HNRNPL: variants seen among roughly 807,000 people sequenced by gnomAD.
The protein encoded by HNRNPL is epididymis secretory sperm binding protein.
In HNRNPL, 12 loss-of-function variants were observed where a neutral mutation model predicts 64.0. The ratio of observed to expected loss-of-function variants is 0.19; its 90% CI spans 0.12 to 0.30. The LOEUF is 0.30. HNRNPL is among the 10% of genes least tolerant of loss of function. HNRNPL has a pLI of 1.00. For missense variants in HNRNPL, 484 were observed against 797.4 expected, an observed-to-expected ratio of 0.61 and a Z score of 4.73; for synonymous variants, 385 against 313.0, an observed-to-expected ratio of 1.23 and a Z score of -2.43.
Position 38,836,518 on chromosome 19 carries a change from A to C in HNRNPL, c.*204T>G, listed in dbSNP as rs1464110560. The C allele has an allele frequency of 4.6e-6, 2 of 436,022 alleles. No homozygotes were observed. Among genetic ancestry groups the C allele is most frequent in the South Asian group, 9.6e-5 (2 of 20,886 alleles). The allele number at this position is 436,022 out of a possible 1,614,324, so 27.0% of individuals were successfully genotyped here. ...TAAAAGTGAAGGTTAATCTTGGGAGATAACAGTTCCCCTCTCCCTCCCCCT... is the reference window on the plus strand; with the variant it reads ...TAAAAGTGAAGGTTAATCTTGGGAGCTAACAGTTCCCCTCTCCCTCCCCCT... On this transcript the variant is annotated 3_prime_UTR_variant, in exon 13 of 13. Coordinates refer to ENST00000221419, the MANE Select transcript of HNRNPL (RefSeq NM_001533.3).
chr19:38,837,770 G>C, intron 10 of HNRNPL, 119 bp from the exon 11 acceptor site: 1 of 804,798 alleles, frequency 1.2e-6, no homozygotes, highest in East Asian at 2.7e-5. Context: ...AAGGCTTGTA[G>C]ATTTTATCAC....
At chr19:38,845,378 T>C in intron 4 of HNRNPL, 1 of 413,788 alleles carries the variant, frequency 2.4e-6, no homozygotes, top group South Asian at 2.8e-5. Context: ...TCTCAATAAA[T>C]AAATAAGTAA....
At position 38,849,722 on chromosome 19, in the gene HNRNPL, G is replaced by A; in HGVS notation, c.245C>T (p.Ala82Val). 3 of 1,368,608 alleles carry A rather than the reference G, an allele frequency of 2.2e-6. No homozygotes were observed. Among genetic ancestry groups the A allele is most frequent in the African/African-American group, 1.5e-5 (1 of 65,100 alleles). The allele number at this position is 1,368,608 out of a possible 1,614,324, so 84.8% of individuals were successfully genotyped here. A position where few individuals can be genotyped will look rare whatever the true frequency, so the allele number is the denominator to read the frequency against. ...CACCCCACCGCCGCCGCCGCCCGCC[G>A]CCCCGGCTCCTCCACCGCCACCGCC... ...GGGGGGGGAG[A>V]AGGGGGGENY... The change falls in exon 1 of 13, where the codon GCG becomes GTG. Residue 82 changes from alanine to valine, a missense_variant. Transcript: ENST00000221419.
intron 1 of HNRNPL, among the ~76,000 whole-genome samples, chr19:38,849,112 G>A (rs956591720): frequency 6.6e-5 from 10 of 152,212 alleles, no homozygotes. Context: ...TCAAGGCTTC[G>A]CTCAACTCCT....
In HNRNPL at chr19:38,841,703, G is replaced by A. The variant is rs998903654; in HGVS notation, c.881-1144C>T. ...CGACCCTGCATCACATGGTTTTACAGTCATAAATACAAGTCACGGTACACA... is the reference window on the plus strand; with the variant it reads ...CGACCCTGCATCACATGGTTTTACAATCATAAATACAAGTCACGGTACACA... On this transcript the variant is annotated intron_variant, in intron 6 of 12. Transcript: ENST00000221419. The A allele has an allele frequency of 7.6e-6, 9 of 1,185,970 alleles. No individual in the cohort carries two copies. The South Asian group carries it at 7.6e-5, about 10-fold the overall frequency. The allele number at this position is 1,185,970 out of a possible 1,614,324, so 73.5% of individuals were successfully genotyped here.
At chr19:38,847,531 T>A in intron 1 of HNRNPL, 97 bp from the exon 2 acceptor site, 1 of 622,792 alleles carries the variant, frequency 1.6e-6, no homozygotes, top group East Asian at 3.1e-5. Flanking sequence ...GATAAAACAG[T>A]TGGAGGTCAT....
intron 6 of HNRNPL, chr19:38,841,800 G>A: frequency 2.2e-6 from 1 of 450,124 alleles, no homozygotes; most frequent in Non-Finnish European, 4.3e-6. Flanking sequence ...GCTCACAGAT[G>A]TTCTGTCCTC....
rs951480180 is a variant in HNRNPL at position 38,838,388 on chromosome 19, G to A, written c.1557+9C>T. On this transcript the variant is annotated intron_variant, in intron 10 of 12. Coordinates refer to ENST00000221419, the MANE Select transcript of HNRNPL (RefSeq NM_001533.3). ...GACCCGACTGCCTGCGCAGCTCCAC[G>A]GCACACACCTCAAAGAAGTTCTCCT... The A allele has an allele frequency of 2.2e-5, 35 of 1,601,934 alleles. No individual in the cohort carries two copies. Among genetic ancestry groups the A allele is most frequent in the African/African-American group, 2.7e-5 (2 of 74,700 alleles).
intron 12 of HNRNPL, chr19:38,837,142 C>T (rs1477421510): frequency 3.5e-6 from 2 of 575,630 alleles, no homozygotes; most frequent in East Asian, 5.8e-5. Context: ...AATGCCACCT[C>T]CCTGGAGGAC....
intron 1 of HNRNPL, among the ~76,000 whole-genome samples, chr19:38,849,037 T>C (rs1315765822): frequency 6.6e-6 from 1 of 152,136 alleles, no homozygotes; most frequent in East Asian, 1.9e-4. Context: ...CAGGAAATAG[T>C]TTGGTTTATC....
intron 4 of HNRNPL, 183 bp downstream of exon 4, chr19:38,845,467 G>A (rs779418704): frequency 3.4e-5 from 21 of 610,690 alleles, no homozygotes; most frequent in South Asian, 7.7e-5. Flanking sequence ...AGATCTGCAC[G>A]TCCACACGAT....
upstream of HNRNPL, among the ~76,000 whole-genome samples, chr19:38,850,854 C>T (rs1296447987): frequency 1.3e-5 from 2 of 152,232 alleles, no homozygotes; most frequent in Non-Finnish European, 2.9e-5. Context: ...CTAAATTCAG[C>T]CGCAACCCCT....
Position 38,837,574 on chromosome 19 carries a change from G to A in HNRNPL, c.1615+20C>T, listed in dbSNP as rs375275092. On this transcript the variant is annotated intron_variant, in intron 11 of 12. Coordinates refer to ENST00000221419, the MANE Select transcript of HNRNPL (RefSeq NM_001533.3). Reference sequence around the variant, plus strand: ...AACCACCATGCAATTAGGGCAAGGAGGTGGGCACACTCGACTCACTTTTGC... The same window carrying A: ...AACCACCATGCAATTAGGGCAAGGAAGTGGGCACACTCGACTCACTTTTGC... 1 of 1,613,916 alleles carries A rather than the reference G, an allele frequency of 6.2e-7. No individual in the cohort carries two copies. The highest frequency in any genetic ancestry group is 8.5e-7 in the Non-Finnish European group (1 of 1,179,744).
chr19:38,849,394 A>G (rs1972420129), intron 1 of HNRNPL: 1 of 327,836 alleles, frequency 3.1e-6, no homozygotes. Context: ...AAGGGGAAAA[A>G]AACCGGCCGG....
intron 4 of HNRNPL, chr19:38,844,883 T>G (rs1972237854): frequency 6.6e-6 from 1 of 152,116 alleles, no homozygotes; most frequent in Non-Finnish European, 1.5e-5. Flanking sequence ...GGCTATTTTT[T>G]GTATTATTAG....
At chr19:38,847,877 G>A (rs1365519355) in intron 1 of HNRNPL, among the ~76,000 whole-genome samples, 4 of 152,096 alleles carry the variant, frequency 2.6e-5, no homozygotes, top group Non-Finnish European at 5.9e-5. Context: ...CAAATTCCTT[G>A]CCCTTTAACT....
At chr19:38,847,712 T>C (rs1475008203) in intron 1 of HNRNPL, 2 of 229,912 alleles carry the variant, frequency 8.7e-6, no homozygotes, top group Non-Finnish European at 1.7e-5. Flanking sequence ...GTCCCAAATC[T>C]TACGTTCTTC....
intron 6 of HNRNPL, chr19:38,840,995 C>T (rs771680313): frequency 1.0e-5 from 2 of 193,502 alleles, no homozygotes; most frequent in Non-Finnish European, 2.1e-5. Context: ...GCAAGTTTGA[C>T]CCCCAAAGCC....
At chr19:38,839,225 A>T in intron 8 of HNRNPL, 1 of 566,166 alleles carries the variant, frequency 1.8e-6, no homozygotes. Context: ...TGTGGGACAT[A>T]ACCCACCAGT....
Sources: allele counts gnomAD v4.1 joint callset (sites outside exome capture counted in the v4.1 genomes callset), GRCh38; gene constraint gnomAD v4.1.1; transcripts MANE v1.5; gene names NCBI Gene and HGNC (gene_info 2026-07-23, HGNC 2026-07-21).